Variants in HTR5A observed in about 807,000 individuals in gnomAD.
The protein encoded by HTR5A is 5-hydroxytryptamine receptor 5A.
HTR5A carries 21 observed loss-of-function variants against 24.3 expected under a neutral mutation model. That is an observed-to-expected ratio of 0.86 (90% CI 0.61 to 1.24). HTR5A has a LOEUF of 1.24. Among genes scored for constraint, HTR5A ranks in the 50% most tolerant of loss-of-function variants. The probability of loss-of-function intolerance (pLI) is 0.00; values close to 1 mark genes in which losing one functional copy is unlikely to be tolerated. For synonymous variants in HTR5A, 260 were observed against 213.7 expected (o/e 1.22, Z -1.89); for missense variants, 497 against 489.5 (o/e 1.02, Z -0.15).
intron 1 of HTR5A, among the ~76,000 whole-genome samples, chr7:155,080,999 C>T (rs1229102477): frequency 6.6e-6 from 1 of 152,174 alleles, no homozygotes; most frequent in African/African-American, 2.4e-5. Flanking sequence ...CTGCATCATC[C>T]TTGATTGACT....
At chr7:155,076,276 A>C (rs1255847097) in intron 1 of HTR5A, among the ~76,000 whole-genome samples, 1 of 152,168 alleles carries the variant, frequency 6.6e-6, no homozygotes, top group Non-Finnish European at 1.5e-5. Context: ...TCAAGTCATC[A>C]AATAATTCAC....
intron 1 of HTR5A, chr7:155,074,853 A>G (rs900844358): frequency 1.3e-5 from 2 of 152,146 alleles, no homozygotes; most frequent in African/African-American, 4.8e-5. Context: ...TAGACAAACA[A>G]CAGCAAAAGC....
In HTR5A at chr7:155,073,323, G is replaced by A. The variant is rs371162475; in HGVS notation, c.741+1683G>A. ...GCGACAGAGTGAGACTCTGTCTCAA[G>A]AAAAAAAAAAAAAAGAATTGAGGAT... On this transcript the variant is annotated intron_variant, in intron 1 of 1. Transcript: ENST00000287907. 2.2e-3 allele frequency among the ~76,000 whole-genome samples: 235 copies of A among 109,134 alleles called. 1 individual carries two copies. The highest frequency in any genetic ancestry group is 6.9e-3 in the Middle Eastern group (1 of 144). 71.6% of individuals were successfully genotyped at this position (109,134 alleles called of 152,430 possible).
chr7:155,084,985 G>A lies in HTR5A; in HGVS notation c.*498G>A, dbSNP rs751914005. 2.6e-5 allele frequency: 4 copies of A among 154,782 alleles called. No individual in the cohort carries two copies. The highest frequency in any genetic ancestry group is 6.4e-5 in the Admixed American group (1 of 15,654). 9.6% of individuals were successfully genotyped at this position (154,782 alleles called of 1,614,324 possible). A position where few individuals can be genotyped will look rare whatever the true frequency, so the allele number is the denominator to read the frequency against. ...AGTACATATATCCTAATACTGATGG[G>A]GTATGACCCAAGAGTTGACCACAAA... is the stretch of plus-strand genomic sequence containing the variant. On this transcript the variant is annotated 3_prime_UTR_variant, in exon 2 of 2. Transcript: ENST00000287907.
intron 1 of HTR5A, among the ~76,000 whole-genome samples, chr7:155,072,723 G>A (rs954652233): frequency 6.6e-6 from 1 of 152,206 alleles, no homozygotes; most frequent in East Asian, 1.9e-4. Context: ...CAAGAGGTAA[G>A]CGAATGATAG....
At chr7:155,073,863 G>GTATATATATATA (rs58094908) in intron 1 of HTR5A, among the ~76,000 whole-genome samples, 2,887 of 68,058 alleles carry the variant, frequency 0.042, 151 homozygotes, top group African/African-American at 0.14. Context: ...ATGTGTGTGT[G>GTATATATATATA]TGTATATATA....
At position 155,084,624 on chromosome 7, in the gene HTR5A, C is replaced by T; in HGVS notation, c.*137C>T. 1.4e-6 allele frequency: 1 copy of T among 722,496 alleles called. No homozygotes were observed. The highest frequency in any genetic ancestry group is 2.3e-6 in the Non-Finnish European group (1 of 439,022). The allele number at this position is 722,496 out of a possible 1,614,324, so 44.8% of individuals were successfully genotyped here. A position where few individuals can be genotyped will look rare whatever the true frequency, so the allele number is the denominator to read the frequency against. On this transcript the variant is annotated 3_prime_UTR_variant, in exon 2 of 2. Coordinates refer to ENST00000287907, the MANE Select transcript of HTR5A (RefSeq NM_024012.4). ...TTCTCCAGGGTCATCTTCAGAACTG[C>T]ACTGGCCTCTTTTCCACCTCCTCAG...
chr7:155,076,681 T>A (rs1795362628), intron 1 of HTR5A, among the ~76,000 whole-genome samples: 1 of 152,184 alleles, frequency 6.6e-6, no homozygotes, highest in Non-Finnish European at 1.5e-5. Context: ...TGCGGGGTGA[T>A]GCATGTTACA....
At chr7:155,075,276 G>T (rs979405662) in intron 1 of HTR5A, among the ~76,000 whole-genome samples, 2 of 30,834 alleles carry the variant, frequency 6.5e-5, no homozygotes, top group Admixed American at 6.3e-4. Context: ...CACTGTTTTT[G>T]GTCCTCTTAA....
At position 155,085,672 on chromosome 7, in the gene HTR5A, G is replaced by A. The variant is rs1232636065; in HGVS notation, c.*1185G>A. 1 of 152,002 alleles carries A rather than the reference G, an allele frequency of 6.6e-6. No individual in the cohort carries two copies. The highest frequency in any genetic ancestry group is 1.5e-5 in the Non-Finnish European group (1 of 68,008). 9.4% of individuals were successfully genotyped at this position (152,002 alleles called of 1,614,324 possible). On this transcript the variant is annotated 3_prime_UTR_variant, in exon 2 of 2. Transcript: ENST00000287907. ...ACACAAAACTTAAAAAAAAATCCTA[G>A]GCAATAAAACTGCCTGTGGTCTGCT...
chr7:155,073,830 T>TACACACAC (rs60282843), intron 1 of HTR5A, among the ~76,000 whole-genome samples: 2 of 135,796 alleles, frequency 1.5e-5, no homozygotes, highest in South Asian at 4.6e-4. Flanking sequence ...TTTATATAGA[T>TACACACAC]ACACACACAC....
At chr7:155,071,853 C>A (rs926582393) in intron 1 of HTR5A, among the ~76,000 whole-genome samples, 2 of 152,190 alleles carry the variant, frequency 1.3e-5, no homozygotes, top group African/African-American at 4.8e-5. Context: ...TGTTCCTTCT[C>A]TAATGGGTTG....
intron 1 of HTR5A, among the ~76,000 whole-genome samples, chr7:155,081,121 G>A (rs1182322860): frequency 6.6e-6 from 1 of 152,160 alleles, no homozygotes; most frequent in African/African-American, 2.4e-5. Flanking sequence ...CTTCCTTGAT[G>A]TGTAAGGCCA....
Position 155,070,645 on chromosome 7 carries a change from TG to T in HTR5A, c.-253del. ...GGCTCCTGACAGCTTAGGCGGGCCC[TG>T]GCTGCGACACGCAGCCCCTCGCCTC... On this transcript the variant is annotated 5_prime_UTR_variant, in exon 1 of 2. Transcript: ENST00000287907. 1 of 533,256 alleles carries T rather than the reference TG, an allele frequency of 1.9e-6. No individual in the cohort carries two copies. Among genetic ancestry groups the T allele is most frequent in the Non-Finnish European group, 3.4e-6 (1 of 297,486 alleles). The allele number at this position is 533,256 out of a possible 1,614,324, so 33.0% of individuals were successfully genotyped here.
At chr7:155,075,012 A>G (rs1170313398) in intron 1 of HTR5A, among the ~76,000 whole-genome samples, 1 of 152,200 alleles carries the variant, frequency 6.6e-6, no homozygotes, top group African/African-American at 2.4e-5. Context: ...TAGTTACTTG[A>G]CACAAACACC....
intron 1 of HTR5A, among the ~76,000 whole-genome samples, chr7:155,082,376 G>A (rs1273884825): frequency 6.6e-6 from 1 of 151,936 alleles, no homozygotes; most frequent in African/African-American, 2.4e-5. Context: ...AATCTTCAGC[G>A]TGACCAGCAT....
Position 155,073,903 on chromosome 7 carries a change from A to ATATATATATGTGTG in HTR5A, c.741+2272_741+2273insGTGTGTATATATAT, listed in dbSNP as rs1554519643. On this transcript the variant is annotated intron_variant, in intron 1 of 1. Transcript: ENST00000287907. ...TATATATATATGTATATATATATAT[A>ATATATATATGTGTG]TATATATATATATGTATATATATAT... Among the ~76,000 whole-genome samples, 115 of 128,376 alleles carry ATATATATATGTGTG rather than the reference A, an allele frequency of 9.0e-4. 4 individuals carry two copies. Among genetic ancestry groups the ATATATATATGTGTG allele is most frequent in the African/African-American group, 1.1e-3 (34 of 31,654 alleles). 84.2% of individuals were successfully genotyped at this position (128,376 alleles called of 152,430 possible).
At position 155,084,267 on chromosome 7, in the gene HTR5A, T is replaced by A. The variant is rs1398427517; in HGVS notation, c.854T>A (p.Leu285His). 1.9e-6 allele frequency: 3 copies of A among 1,614,140 alleles called. No individual in the cohort carries two copies. The highest frequency in any genetic ancestry group is 2.5e-6 in the Non-Finnish European group (3 of 1,180,010). ...GAGCAGAAGGAGCAGCGGGCCGCCC[T>A]CATGGTGGGCATCCTCATTGGCGTG... Reference protein sequence around the residue: ...WREQKEQRAALMVGILIGVFV... With the variant: ...WREQKEQRAAHMVGILIGVFV... Residue 285 changes from leucine to histidine, a missense_variant, in exon 2 of 2, where the codon CTC (leucine) becomes CAC (histidine). Physicochemically the swap from Leu to His is moderately conservative, Grantham distance 99. Coordinates refer to ENST00000287907, the MANE Select transcript of HTR5A (RefSeq NM_024012.4).
rs1795448610 is a variant in HTR5A at position 155,084,158 on chromosome 7, A to G, written c.745A>G (p.Lys249Glu). The G allele has an allele frequency of 6.3e-7, 1 of 1,599,050 alleles. No homozygotes were observed. The highest frequency in any genetic ancestry group is 1.3e-5 in the African/African-American group (1 of 74,810). ...AGCTCCTGCTTGTCTTTTACAGGTG[A>G]AGGACTCTGCCAAACAGCCCCAGAT... ...VSPISEAVEVKDSAKQPQMVF... is the reference protein window; with the variant it reads ...VSPISEAVEVEDSAKQPQMVF... Residue 249 changes from lysine to glutamate, a missense_variant, in exon 2 of 2, where the codon AAG (lysine) becomes GAG (glutamate). Transcript: ENST00000287907.
Sources: gnomAD v4.1 joint callset for allele counts (sites outside exome capture counted in the v4.1 genomes callset) on GRCh38, gnomAD v4.1.1 for gene constraint, MANE v1.5 for transcripts, NCBI Gene and HGNC (gene_info 2026-07-23, HGNC 2026-07-21) for gene names.